The following UBE2R2 variants were observed in gnomAD, a reference collection of about 807,000 sequenced individuals.
UBE2R2 encodes ubiquitin conjugating enzyme E2 R2.
A neutral mutation model predicts 27.8 loss-of-function variants in UBE2R2; 1 was observed. The ratio of observed to expected loss-of-function variants is 0.04; its 90% confidence interval spans 0.01 to 0.17. The LOEUF (loss-of-function observed/expected upper bound fraction) is 0.17. Among genes scored for constraint, UBE2R2 ranks in the 10% least tolerant of loss-of-function variants. The pLI is 1.00. For synonymous variants in UBE2R2, 106 were observed against 113.3 expected (o/e 0.94, Z 0.41); for missense variants, 100 against 291.0 (o/e 0.34, Z 4.78).
chr9:33,900,000 T>TA (rs1426667578), intron 2 of UBE2R2, among the ~76,000 whole-genome samples, 174 bp from the exon 3 acceptor site: 1 of 152,204 alleles, frequency 6.6e-6, no homozygotes. Flanking sequence ...TCAAAATAAA[T>TA]ACTTTTAAAA....
chr9:33,907,183 T>C (rs558224799), intron 3 of UBE2R2, among the ~76,000 whole-genome samples: 2 of 152,352 alleles, frequency 1.3e-5, no homozygotes, highest in South Asian at 2.1e-4. Context: ...CAGAACAAGA[T>C]AGCTAAATAA....
At chr9:33,859,088 T>A (rs1821167552) in intron 1 of UBE2R2, among the ~76,000 whole-genome samples, 2 of 152,178 alleles carry the variant, frequency 1.3e-5, no homozygotes. Context: ...CCACCCAAAG[T>A]GCTGGGATTA....
chr9:33,821,953 TTTGA>T (rs1230922433), intron 1 of UBE2R2, among the ~76,000 whole-genome samples: 1 of 151,524 alleles, frequency 6.6e-6, no homozygotes, highest in Non-Finnish European at 1.5e-5. Flanking sequence ...TATTAAATAA[TTTGA>T]TTGAGGTAAT....
rs148352914 is a variant in UBE2R2, at chr9:33,842,701, T to C, written c.177+24767T>C. On this transcript the variant is annotated intron_variant, in intron 1 of 4. Transcript: ENST00000263228. ...AGGGAGTATATAGAATTCTGTTAGA[T>C]TCTTCTCTTGATATTTGCTTTTTAG... 8.3e-3 allele frequency among the ~76,000 whole-genome samples: 1,268 copies of C among 152,286 alleles called. 14 individuals are homozygous for C. Among genetic ancestry groups the C allele is most frequent in the African/African-American group, 0.028 (1,165 of 41,558 alleles).
intron 1 of UBE2R2, among the ~76,000 whole-genome samples, chr9:33,845,132 A>G (rs991868117): frequency 5.3e-5 from 8 of 152,026 alleles, no homozygotes; most frequent in Admixed American, 5.2e-4. Context: ...TTGCTGAGCA[A>G]CTGTTCTCAC....
At position 33,919,968 on chromosome 9, in the gene UBE2R2, CAG is replaced by C. The variant is rs1460506430; in HGVS notation, c.*2734_*2735del. 1 of 152,068 alleles carries C rather than the reference CAG, an allele frequency of 6.6e-6. No individual in the cohort carries two copies. Among genetic ancestry groups the C allele is most frequent in the Admixed American group, 6.5e-5 (1 of 15,268 alleles). The allele number at this position is 152,068 out of a possible 1,614,324, so 9.4% of individuals were successfully genotyped here. ...CCCCTTCTCCTTTTATCAATCATTC[CAG>C]AGTTATTTTCTATTAGTCAAACTTT... On this transcript the variant is annotated 3_prime_UTR_variant, in exon 5 of 5. Coordinates refer to ENST00000263228, the MANE Select transcript of UBE2R2 (RefSeq NM_017811.4).
intron 1 of UBE2R2, among the ~76,000 whole-genome samples, chr9:33,840,967 C>T (rs1233799357): frequency 6.6e-6 from 1 of 152,066 alleles, no homozygotes; most frequent in African/African-American, 2.4e-5. Flanking sequence ...CTCTTTCACC[C>T]AGGCTGGAGT....
chr9:33,913,112 C>G (rs1236134490), intron 4 of UBE2R2, among the ~76,000 whole-genome samples: 1 of 152,018 alleles, frequency 6.6e-6, no homozygotes, highest in East Asian at 1.9e-4. Flanking sequence ...AGGCGCCTAC[C>G]ACCATGCCCA....
chr9:33,834,191 T>G (rs1278607348), intron 1 of UBE2R2, among the ~76,000 whole-genome samples: 3 of 136,428 alleles, frequency 2.2e-5, no homozygotes, highest in East Asian at 3.9e-4. Context: ...TCTTGGAGCT[T>G]CTTTTTTTTT....
chr9:33,894,261 C>T (rs1036480492), intron 2 of UBE2R2, among the ~76,000 whole-genome samples: 3 of 151,854 alleles, frequency 2.0e-5, no homozygotes, highest in African/African-American at 7.3e-5. Flanking sequence ...GCAAGATCCC[C>T]ATCTCTATAT....
chr9:33,908,261 TCC>T (rs1822407634), intron 3 of UBE2R2, among the ~76,000 whole-genome samples: 2 of 152,234 alleles, frequency 1.3e-5, no homozygotes, highest in South Asian at 4.1e-4. Context: ...CTCACAGGTG[TCC>T]ATCTAATCAA....
At chr9:33,869,431 A>AT (rs1191545629) in intron 1 of UBE2R2, among the ~76,000 whole-genome samples, 1 of 147,998 alleles carries the variant, frequency 6.8e-6, no homozygotes, top group African/African-American at 2.6e-5. Flanking sequence ...TGTTTTATTT[A>AT]TTTATTTATT....
At chr9:33,856,322 CTATT>C (rs1821099934) in intron 1 of UBE2R2, among the ~76,000 whole-genome samples, 1 of 152,110 alleles carries the variant, frequency 6.6e-6, no homozygotes, top group African/African-American at 2.4e-5. Flanking sequence ...AATTAAAAAA[CTATT>C]AATACTAGGC....
intron 1 of UBE2R2, among the ~76,000 whole-genome samples, chr9:33,876,537 T>C (rs932623113): frequency 6.6e-6 from 1 of 152,158 alleles, no homozygotes; most frequent in Non-Finnish European, 1.5e-5. Flanking sequence ...TAGTACAATT[T>C]AAATAGCCTT....
intron 3 of UBE2R2, among the ~76,000 whole-genome samples, chr9:33,904,546 G>T (rs1822311172): frequency 6.6e-6 from 1 of 152,184 alleles, no homozygotes; most frequent in Non-Finnish European, 1.5e-5. Context: ...ATAACATAAA[G>T]TGGCAAATGG....
At chr9:33,840,077 T>C (rs910137522) in intron 1 of UBE2R2, among the ~76,000 whole-genome samples, 3 of 152,222 alleles carry the variant, frequency 2.0e-5, no homozygotes, top group Non-Finnish European at 4.4e-5. Context: ...TAAGTAGGTA[T>C]GTTTTCTAAG....
chr9:33,887,844 T>G (rs974512550), intron 2 of UBE2R2, among the ~76,000 whole-genome samples: 13 of 152,156 alleles, frequency 8.5e-5, no homozygotes, highest in Admixed American at 2.6e-4. Flanking sequence ...GCCCAGCTAA[T>G]TTTTGTATTT....
At chr9:33,837,811 A>G (rs1268903864) in intron 1 of UBE2R2, among the ~76,000 whole-genome samples, 1 of 151,774 alleles carries the variant, frequency 6.6e-6, no homozygotes, top group Non-Finnish European at 1.5e-5. Flanking sequence ...CAGTGTTAAG[A>G]TTGCAGGTGT....
intron 1 of UBE2R2, among the ~76,000 whole-genome samples, chr9:33,853,552 T>A (rs982943224): frequency 6.6e-6 from 1 of 152,064 alleles, no homozygotes; most frequent in Non-Finnish European, 1.5e-5. Flanking sequence ...CCCAAAGTGC[T>A]GAGATTACAG....
Sources: gnomAD v4.1 joint callset for allele counts (sites outside exome capture counted in the v4.1 genomes callset) on GRCh38, gnomAD v4.1.1 for gene constraint, MANE v1.5 for transcripts, NCBI Gene and HGNC (gene_info 2026-07-23, HGNC 2026-07-21) for gene names.